The following TNNT2 variants were observed in gnomAD, a reference collection of about 807,000 sequenced individuals.
TNNT2 encodes the protein troponin T2, cardiac type, also known as troponin T, cardiac muscle.
TNNT2 carries 34 observed loss-of-function variants against 62.4 expected under a neutral mutation model. The ratio of observed to expected loss-of-function variants is 0.54; its 90% CI spans 0.41 to 0.72. The LOEUF (loss-of-function observed/expected upper bound fraction) is 0.72, where lower values mean the gene tolerates loss of function less well. Among genes scored for constraint, TNNT2 ranks in the 30% least tolerant of loss-of-function variants. TNNT2 has a pLI of 0.00. For synonymous variants in TNNT2, 123 were observed against 127.2 expected (o/e 0.97, Z 0.22); for missense variants, 275 against 381.9 (o/e 0.72, Z 2.33).
chr1:201,362,029 G>A lies in TNNT2; in HGVS notation c.610-7C>T. ...TCCCACTTTTCCGCTCTGTCTGGAGGGTGTGGGAAGCAGAGTAAACTGGCC... is the reference window on the plus strand; with the variant it reads ...TCCCACTTTTCCGCTCTGTCTGGAGAGTGTGGGAAGCAGAGTAAACTGGCC... On this transcript the variant is annotated splice_region_variant and splice_polypyrimidine_tract_variant and intron_variant, in intron 13 of 16. Transcript: ENST00000656932. 1 of 1,613,896 alleles carries A rather than the reference G, an allele frequency of 6.2e-7. No individual in the cohort carries two copies. Among genetic ancestry groups the A allele is most frequent in the Non-Finnish European group, 8.5e-7 (1 of 1,179,838 alleles).
chr1:201,363,046 G>T, intron 12 of TNNT2: 1 of 929,348 alleles, frequency 1.1e-6, no homozygotes, highest in Non-Finnish European at 1.3e-6. Flanking sequence ...CTGGAGCCAG[G>T]CATGGGGGGC....
intron 2 of TNNT2, 135 bp from the exon 3 acceptor site, chr1:201,372,290 C>A: frequency 7.7e-7 from 1 of 1,293,216 alleles, no homozygotes; most frequent in Non-Finnish European, 1.1e-6. Context: ...CTAGTGGAGT[C>A]CACGCTGCCC....
At chr1:201,361,010 A>G (rs2102226709) in intron 15 of TNNT2, 1 of 508,596 alleles carries the variant, frequency 2.0e-6, no homozygotes. Context: ...CTGCTGCCTC[A>G]ACGTGTTGGA....
At chr1:201,373,184 C>A (rs1225549928) in intron 2 of TNNT2, 30 bp downstream of exon 2, 7 of 1,612,822 alleles carry the variant, frequency 4.3e-6, no homozygotes, top group African/African-American at 1.3e-5. Flanking sequence ...GGAGAGGACC[C>A]CACTCAGGCA....
chr1:201,367,929 G>A, intron 6 of TNNT2, 123 bp from the exon 7 acceptor site: 2 of 1,239,424 alleles, frequency 1.6e-6, no homozygotes, highest in Non-Finnish European at 2.4e-6. Flanking sequence ...TGGTTTTTGG[G>A]GTTACAGAGC....
chr1:201,362,820 C>A lies in TNNT2; in HGVS notation c.601-426G>T, dbSNP rs1327087021. On this transcript the variant is annotated intron_variant, in intron 12 of 16. Coordinates refer to ENST00000656932, the MANE Select transcript of TNNT2 (RefSeq NM_001276345.2). ...TTTCCAGGAACAAACAACCTCACAT[C>A]TGTGTGGCACATAGACACTTTCCAT... Among the ~76,000 whole-genome samples the A allele has an allele frequency of 3.3e-5, 5 of 152,330 alleles. No homozygotes were observed. The East Asian group carries it at 7.7e-4, about 23-fold the overall frequency.
At chr1:201,366,903 C>T in intron 7 of TNNT2, 32 bp from the exon 8 acceptor site, 1 of 1,614,068 alleles carries the variant, frequency 6.2e-7, no homozygotes, top group Non-Finnish European at 8.5e-7. Flanking sequence ...AGCCATGGGT[C>T]AGGGGGCCCC....
intron 2 of TNNT2, among the ~76,000 whole-genome samples, chr1:201,372,514 C>T (rs910944312): frequency 6.6e-6 from 1 of 152,184 alleles, no homozygotes; most frequent in African/African-American, 2.4e-5. Flanking sequence ...CAGGTAAGAC[C>T]TGCCTTCTCC....
At chr1:201,362,457 A>G in intron 12 of TNNT2, 63 bp from the exon 13 acceptor site, 1 of 1,585,668 alleles carries the variant, frequency 6.3e-7, no homozygotes, top group African/African-American at 1.3e-5. Flanking sequence ...ACAGAGACAC[A>G]GAGAGAAGGC....
intron 15 of TNNT2, among the ~76,000 whole-genome samples, chr1:201,360,269 T>C (rs1264441158): frequency 6.6e-6 from 1 of 152,224 alleles, no homozygotes; most frequent in Non-Finnish European, 1.5e-5. Context: ...TTCCCAGATA[T>C]GAACCCATAG....
At chr1:201,366,309 A>AGGGGGCCCC in intron 8 of TNNT2, 1 of 1,025,834 alleles carries the variant, frequency 9.7e-7, no homozygotes, top group South Asian at 3.9e-5. Context: ...GCCATGGGTC[A>AGGGGGCCCC]ACCTCTGCTG....
rs535282031 is a variant in TNNT2, at chr1:201,372,035, G to A, written c.59C>T (p.Ala20Val). 1 of 1,574,056 alleles carries A rather than the reference G, an allele frequency of 6.4e-7. No individual in the cohort carries two copies. The highest frequency in any genetic ancestry group is 1.4e-5 in the African/African-American group (1 of 71,150). Residue 20 changes from alanine to valine, a missense_variant, in exon 4 of 17, where the codon GCT becomes GTT. By Grantham distance (64) the Ala-to-Val change is moderately conservative. Transcript: ENST00000656932. ...EYEEEEQEEA[A>V]VEEEEDWRED... ...CTGCCTGAGGCACATACCTTCAACA[G>A]CTGCTTCTGCTCAGAAGAGAAGTCC...
intron 8 of TNNT2, chr1:201,366,600 GC>G (rs746973867): frequency 5.0e-5 from 71 of 1,419,364 alleles, no homozygotes; most frequent in Admixed American, 1.3e-4. Context: ...GAAGAACATA[GC>G]CCCATCCCTG....
intron 15 of TNNT2, among the ~76,000 whole-genome samples, chr1:201,360,036 C>T (rs1009709386): frequency 6.6e-6 from 1 of 152,190 alleles, no homozygotes; most frequent in Non-Finnish European, 1.5e-5. Context: ...CCCAGCTGCC[C>T]ACCATCCCGG....
At chr1:201,377,290 T>C (rs1429272041) in intron 1 of TNNT2, among the ~76,000 whole-genome samples, 4 of 152,310 alleles carry the variant, frequency 2.6e-5, no homozygotes, top group South Asian at 2.1e-4. Flanking sequence ...TAGCAAATAT[T>C]TAGCCCACTC....
Position 201,361,359 on chromosome 1 carries a change from T to C in TNNT2, c.730A>G (p.Lys244Glu), listed in dbSNP as rs746592264. ...LNEDQLREKA[K>E]ELWQSIYNLE... ...TTATAGATGCTCTGCCACAGCTCCT[T>C]GGCCTTCTCCCTGCACGGGCAAGGG... Residue 244 changes from lysine to glutamate, a missense_variant, in exon 15 of 17, where the codon AAG becomes GAG. Coordinates refer to ENST00000656932, the MANE Select transcript of TNNT2 (RefSeq NM_001276345.2). 1.2e-6 allele frequency: 2 copies of C among 1,614,120 alleles called. No individual in the cohort carries two copies. Among genetic ancestry groups the C allele is most frequent in the Admixed American group, 1.7e-5 (1 of 60,026 alleles).
At chr1:201,370,278 C>T (rs746330032) in intron 4 of TNNT2, among the ~76,000 whole-genome samples, 10 of 152,288 alleles carry the variant, frequency 6.6e-5, no homozygotes, top group East Asian at 1.9e-4. Context: ...CTGCCCTCAA[C>T]GAGCCTGCCC....
chr1:201,361,435 G>A (rs1658613428), intron 14 of TNNT2, 66 bp from the exon 15 acceptor site: 3 of 1,436,778 alleles, frequency 2.1e-6, no homozygotes, highest in Admixed American at 3.3e-5. Context: ...CTCCGTCCTG[G>A]TCCCGGCCCA....
At chr1:201,363,154 A>G in intron 12 of TNNT2, 142 bp downstream of exon 12, 4 of 1,566,208 alleles carry the variant, frequency 2.6e-6, no homozygotes, top group African/African-American at 1.4e-5. Flanking sequence ...AGGGCTGGGC[A>G]TGAGGAGACC....
Sources: allele counts gnomAD v4.1 joint callset (sites outside exome capture counted in the v4.1 genomes callset), GRCh38; gene constraint gnomAD v4.1.1; transcripts MANE v1.5; gene names NCBI Gene and HGNC (gene_info 2026-07-23, HGNC 2026-07-21).